The following PPP4R2 variants were observed in gnomAD, a reference collection of about 807,000 sequenced individuals.
PPP4R2 encodes the protein protein phosphatase 4 regulatory subunit 2, also known as serine/threonine-protein phosphatase 4 regulatory subunit 2.
A neutral mutation model predicts 47.2 loss-of-function variants in PPP4R2; 13 were observed. That is an observed-to-expected ratio of 0.28 (90% CI 0.18 to 0.44). The LOEUF is 0.44. PPP4R2 is among the 20% of genes least tolerant of loss of function. PPP4R2 has a pLI of 1.00. For missense variants in PPP4R2, 421 were observed against 491.2 expected (o/e 0.86, Z 1.35); for synonymous variants, 151 against 163.3 (o/e 0.92, Z 0.57).
rs539353185 is a variant in PPP4R2, at chr3:73,020,948, A to G, written c.116+22790A>G. On this transcript the variant is annotated intron_variant, in intron 2 of 8. Coordinates refer to ENST00000356692, the MANE Select transcript of PPP4R2 (RefSeq NM_174907.4). The stretch of plus-strand genomic sequence containing the variant: ...CCTAAAGGCTTGGGCTCCAAGTACT[A>G]TCATATTAGGAGGTGGGTTTCAACA... Among the ~76,000 whole-genome samples the G allele has an allele frequency of 1.9e-4, 29 of 152,194 alleles. 1 individual carries two copies. The highest frequency in any genetic ancestry group is 8.3e-4 in the South Asian group (4 of 4,830).
At chr3:73,018,009 G>A (rs1371898658) in intron 2 of PPP4R2, among the ~76,000 whole-genome samples, 2 of 152,136 alleles carry the variant, frequency 1.3e-5, no homozygotes, top group African/African-American at 4.8e-5. Context: ...TGGTAAACTG[G>A]CTGGGACACT....
At chr3:73,044,369 G>A (rs891897001) in intron 2 of PPP4R2, among the ~76,000 whole-genome samples, 6 of 152,054 alleles carry the variant, frequency 3.9e-5, no homozygotes, top group African/African-American at 1.4e-4. Flanking sequence ...GGCTGATCAC[G>A]AGGTCAGGAG....
At chr3:72,999,210 G>C (rs4677221) in intron 2 of PPP4R2, among the ~76,000 whole-genome samples, 80,237 of 151,920 alleles carry the variant, frequency 0.53, 21,578 homozygotes, top group African/African-American at 0.62. Flanking sequence ...TGTGTTCAAT[G>C]TTGTATTTCT....
rs2107349605 is a variant in PPP4R2, at chr3:73,065,061, A to G, written c.848A>G (p.Gln283Arg). Residue 283 changes from glutamine (Q) to arginine (R), a missense_variant, in exon 8 of 9, where the codon CAG (glutamine) becomes CGG (arginine). By Grantham distance (43) the Gln-to-Arg change is conservative (BLOSUM62 1). Around this residue, in one of 2 missense-constraint regions of PPP4R2, gnomAD observed 317 missense variants for 287.5 expected, o/e 1.10. Transcript: ENST00000356692. ...GAAACAGAAGCATCATCTTCATCTCAGGATAAAGACAAAGATAGCCGTTGT... is the reference window on the plus strand; with the variant it reads ...GAAACAGAAGCATCATCTTCATCTCGGGATAAAGACAAAGATAGCCGTTGT... ...VGETEASSSS[Q>R]DKDKDSRCTR... 6.2e-7 allele frequency: 1 copy of G among 1,613,742 alleles called. No homozygotes were observed. The highest frequency in any genetic ancestry group is 8.5e-7 in the Non-Finnish European group (1 of 1,179,642).
intron 2 of PPP4R2, among the ~76,000 whole-genome samples, chr3:73,008,544 G>A (rs573290956): frequency 2.0e-5 from 3 of 152,228 alleles, no homozygotes; most frequent in Non-Finnish European, 4.4e-5. Flanking sequence ...TGGTGATGGC[G>A]GAGTAATGTC....
At chr3:73,016,663 G>T (rs1701837832) in intron 2 of PPP4R2, among the ~76,000 whole-genome samples, 1 of 150,900 alleles carries the variant, frequency 6.6e-6, no homozygotes, top group South Asian at 2.1e-4. Context: ...TAAATAATAT[G>T]AATGTCCTAG....
intron 2 of PPP4R2, among the ~76,000 whole-genome samples, chr3:73,027,174 T>G (rs1702083586): frequency 6.6e-6 from 1 of 152,142 alleles, no homozygotes; most frequent in African/African-American, 2.4e-5. Context: ...TGTCACCAGG[T>G]TGGTGTGCAG....
intron 2 of PPP4R2, among the ~76,000 whole-genome samples, chr3:73,024,458 A>G (rs757275906): frequency 1.3e-5 from 2 of 152,152 alleles, no homozygotes; most frequent in Non-Finnish European, 2.9e-5. Flanking sequence ...AATTCTCTGA[A>G]TATTTTGGTG....
intron 2 of PPP4R2, 99 bp downstream of exon 2, chr3:72,998,257 A>G (rs1190173159): frequency 3.9e-5 from 29 of 742,668 alleles, no homozygotes; most frequent in Non-Finnish European, 5.7e-5. Context: ...TAAATAATTC[A>G]TTCTAAATTG....
At chr3:73,002,893 T>G (rs534184153) in intron 2 of PPP4R2, among the ~76,000 whole-genome samples, 1 of 151,910 alleles carries the variant, frequency 6.6e-6, no homozygotes, top group Non-Finnish European at 1.5e-5. Flanking sequence ...CCATCCACCT[T>G]GGCCTCCCAA....
chr3:73,032,651 G>A (rs1702188613), intron 2 of PPP4R2, among the ~76,000 whole-genome samples: 1 of 152,048 alleles, frequency 6.6e-6, no homozygotes, highest in Non-Finnish European at 1.5e-5. Context: ...TTACAGTCTA[G>A]TTACTTTTTC....
chr3:73,024,262 T>A (rs1702015406), intron 2 of PPP4R2, among the ~76,000 whole-genome samples: 1 of 152,120 alleles, frequency 6.6e-6, no homozygotes. Context: ...CAATTTATAA[T>A]CAAGGGTAGA....
Position 73,065,119 on chromosome 3 carries a change from A to C in PPP4R2, c.906A>C (p.Glu302Asp), listed in dbSNP as rs773844452. ...AGCACTGTACAGAAGAGGATGAAGA[A>C]GAGGATGAAGAGGAAGAAGAAGGTA... The part of the protein sequence containing the change: ...TRQHCTEEDE[E>D]EDEEEEEESF... The change falls in exon 8 of 9, where the codon GAA (glutamate) becomes GAC (aspartate). Residue 302 changes from glutamate to aspartate, a missense_variant. Coordinates refer to ENST00000356692, the MANE Select transcript of PPP4R2 (RefSeq NM_174907.4). The C allele has an allele frequency of 3.1e-6, 5 of 1,609,230 alleles. No individual in the cohort carries two copies. Among genetic ancestry groups the C allele is most frequent in the South Asian group, 1.1e-5 (1 of 90,232 alleles).
intron 2 of PPP4R2, among the ~76,000 whole-genome samples, chr3:73,044,643 T>G (rs1024094783): frequency 2.0e-5 from 3 of 152,160 alleles, no homozygotes; most frequent in Admixed American, 6.5e-5. Flanking sequence ...TCACTTGTTT[T>G]TTAGATAATA....
chr3:73,036,989 T>A (rs1312919370), intron 2 of PPP4R2, among the ~76,000 whole-genome samples: 1 of 152,216 alleles, frequency 6.6e-6, no homozygotes, highest in Non-Finnish European at 1.5e-5. Flanking sequence ...TTTTTATATT[T>A]CAGTAACAGA....
chr3:73,053,324 C>T (rs9310260), intron 3 of PPP4R2, among the ~76,000 whole-genome samples: 79,700 of 150,388 alleles, frequency 0.53, 21,362 homozygotes, highest in African/African-American at 0.62. Context: ...ATTAGCATGA[C>T]TTTGTAACCA....
intron 2 of PPP4R2, among the ~76,000 whole-genome samples, chr3:73,040,564 G>T (rs1461652797): frequency 6.8e-6 from 1 of 146,792 alleles, no homozygotes; most frequent in Non-Finnish European, 1.5e-5. Flanking sequence ...CAGTGCAGTG[G>T]CATAACCTTG....
intron 2 of PPP4R2, among the ~76,000 whole-genome samples, chr3:73,032,489 A>C (rs543704904): frequency 6.6e-6 from 1 of 152,078 alleles, no homozygotes; most frequent in South Asian, 2.1e-4. Flanking sequence ...GGGTTTTACC[A>C]TGTTGGCCAG....
intron 2 of PPP4R2, among the ~76,000 whole-genome samples, chr3:73,025,842 A>G (rs917530561): frequency 6.6e-6 from 1 of 152,236 alleles, no homozygotes; most frequent in Non-Finnish European, 1.5e-5. Context: ...CAAAGGAATT[A>G]GGGAAATCAC....
Sources: allele counts gnomAD v4.1 joint callset (sites outside exome capture counted in the v4.1 genomes callset), GRCh38; gene constraint gnomAD v4.1.1; regional missense constraint gnomAD v4.1.1; transcripts MANE v1.5; gene names NCBI Gene and HGNC (gene_info 2026-07-23, HGNC 2026-07-21).